The following BAZ2B variants were observed in gnomAD, a reference collection of about 807,000 sequenced individuals.
BAZ2B encodes bromodomain adjacent to zinc finger domain protein 2B.
BAZ2B carries 91 observed loss-of-function variants against 246.0 expected under a neutral mutation model. The ratio of observed to expected loss-of-function variants is 0.37; its 90% CI spans 0.31 to 0.44. The LOEUF is 0.44. BAZ2B is among the 20% of genes least tolerant of loss of function. BAZ2B has a pLI of 1.00. For synonymous variants in BAZ2B, 855 were observed against 860.0 expected, an observed-to-expected ratio of 0.99 and a Z score of 0.10; for missense variants, 2,332 against 2,533.7, an observed-to-expected ratio of 0.92 and a Z score of 1.71.
intron 1 of BAZ2B, among the ~76,000 whole-genome samples, chr2:159,605,155 G>A (rs1280809365): frequency 6.6e-6 from 1 of 151,954 alleles, no homozygotes; most frequent in Non-Finnish European, 1.5e-5. Flanking sequence ...AGCCTCCCAA[G>A]TAGCCAGGCC....
intron 2 of BAZ2B, among the ~76,000 whole-genome samples, chr2:159,554,818 G>A (rs2088849845): frequency 6.6e-6 from 1 of 151,956 alleles, no homozygotes; most frequent in African/African-American, 2.4e-5. Context: ...TTATCACTTA[G>A]AATTTTCTAA....
At chr2:159,706,513 C>T in the BAZ2B span, among the ~76,000 whole-genome samples, 4 of 152,176 alleles carry the variant, frequency 2.6e-5, no homozygotes, top group South Asian at 4.1e-4. Context: ...TTCTGAAGTT[C>T]GTGTGTGCCT....
chr2:159,364,269 T>C (rs916088559), intron 27 of BAZ2B, among the ~76,000 whole-genome samples: 3 of 152,220 alleles, frequency 2.0e-5, no homozygotes, highest in Non-Finnish European at 4.4e-5. Context: ...CAACTGGGGT[T>C]TGGAGTCCAT....
chr2:159,412,414 T>G lies in BAZ2B; in HGVS notation c.2598A>C (p.Lys866Asn). The change falls in exon 14 of 37, where the codon AAA becomes AAC. Residue 866 changes from lysine to asparagine, a missense_variant. Physicochemically the swap from Lys to Asn is moderately conservative, Grantham distance 94. Transcript: ENST00000392783. ...CATTGCCAACATTTGGAGGTCGACCTTTCCGACGTCTCATCCTGGATTCCT... is the reference window on the plus strand; with the variant it reads ...CATTGCCAACATTTGGAGGTCGACCGTTCCGACGTCTCATCCTGGATTCCT... Reference protein sequence around the residue: ...AREESRMRRRKGRPPNVGNAE... With the variant: ...AREESRMRRRNGRPPNVGNAE... 1.2e-6 allele frequency: 2 copies of G among 1,614,172 alleles called. No individual in the cohort carries two copies. The highest frequency in any genetic ancestry group is 2.2e-5 in the South Asian group (2 of 91,078).
In BAZ2B at chr2:159,439,153, T is replaced by C. The variant is rs1211198991; in HGVS notation, c.756A>G (p.Ser252=). Residue 252 remains serine, a synonymous_variant, in exon 7 of 37, where the codon TCA becomes TCG. Transcript: ENST00000392783. ...TAATGCCTTCACTTGAGGTGTCTGA[T>C]GATGTGCCTGAATCACTATCACTGT... ...SSNSDSDSGT[S]SDTSSEGISS... is the part of the protein sequence containing the mutation. 1.9e-6 allele frequency: 3 copies of C among 1,614,036 alleles called. No individual in the cohort carries two copies. Among genetic ancestry groups the C allele is most frequent in the Non-Finnish European group, 2.5e-6 (3 of 1,179,942 alleles).
At chr2:159,492,482 T>C (rs2080613248) in intron 2 of BAZ2B, among the ~76,000 whole-genome samples, 1 of 152,234 alleles carries the variant, frequency 6.6e-6, no homozygotes, top group Admixed American at 6.5e-5. Flanking sequence ...TGCCTAAGAA[T>C]TAGTAAGCTT....
chr2:159,478,504 T>C, intron 3 of BAZ2B, 71 bp downstream of exon 3: 3 of 1,448,470 alleles, frequency 2.1e-6, no homozygotes, highest in Non-Finnish European at 2.8e-6. Flanking sequence ...TTTTATTCAG[T>C]GCTCAATAAA....
chr2:159,624,737 A>C, the BAZ2B span, among the ~76,000 whole-genome samples: 3 of 152,200 alleles, frequency 2.0e-5, no homozygotes, highest in Non-Finnish European at 4.4e-5. Context: ...ACCAGCCCAA[A>C]AAGGCTGAAA....
the BAZ2B span, among the ~76,000 whole-genome samples, chr2:159,669,966 C>A: frequency 6.6e-6 from 1 of 151,910 alleles, no homozygotes. Flanking sequence ...TCCTGTTGCT[C>A]TTTCTTTCCT....
At chr2:159,592,104 A>C (rs1689529078) in intron 1 of BAZ2B, among the ~76,000 whole-genome samples, 1 of 152,096 alleles carries the variant, frequency 6.6e-6, no homozygotes, top group South Asian at 2.1e-4. Flanking sequence ...TGGGCAACAG[A>C]GTGAGACCTG....
chr2:159,537,538 T>C (rs1396510746), intron 2 of BAZ2B, among the ~76,000 whole-genome samples: 1 of 152,264 alleles, frequency 6.6e-6, no homozygotes, highest in African/African-American at 2.4e-5. Context: ...ATAGTTTTTA[T>C]ATGTAGAGCT....
chr2:159,449,167 G>A (rs1373525090), intron 4 of BAZ2B, among the ~76,000 whole-genome samples: 1 of 152,054 alleles, frequency 6.6e-6, no homozygotes, highest in Non-Finnish European at 1.5e-5. Context: ...TCAATAAAAG[G>A]TAAATACTTA....
At chr2:159,553,412 A>AAAAAG (rs1259283886) in intron 2 of BAZ2B, among the ~76,000 whole-genome samples, 2,619 of 128,594 alleles carry the variant, frequency 0.02, 48 homozygotes, top group Middle Eastern at 0.037. Flanking sequence ...AAAAAAAAAA[A>AAAAAG]AAAAGAAAAG....
chr2:159,328,069 C>CAAAAA (rs1558959778), intron 34 of BAZ2B, among the ~76,000 whole-genome samples: 8 of 111,522 alleles, frequency 7.2e-5, no homozygotes, highest in East Asian at 2.6e-4. Context: ...AGCCTCAAAA[C>CAAAAA]GAAAAAAAAA....
chr2:159,590,518 G>C (rs368468189), intron 1 of BAZ2B, among the ~76,000 whole-genome samples: 8 of 152,120 alleles, frequency 5.3e-5, no homozygotes, highest in East Asian at 1.9e-4. Flanking sequence ...TTGAACCCGG[G>C]GGGGTGGAGG....
chr2:159,501,897 T>C (rs965653876), intron 2 of BAZ2B, among the ~76,000 whole-genome samples: 13 of 152,204 alleles, frequency 8.5e-5, no homozygotes, highest in Admixed American at 6.5e-4. Context: ...ATAGCTATTG[T>C]TCATAATAGC....
chr2:159,436,819 G>T (rs192801512), intron 8 of BAZ2B, among the ~76,000 whole-genome samples: 1 of 152,102 alleles, frequency 6.6e-6, no homozygotes, highest in Non-Finnish European at 1.5e-5. Context: ...TTCTACTCCT[G>T]GTCTATGTAT....
At chr2:159,470,918 C>T (rs971521763) in intron 3 of BAZ2B, among the ~76,000 whole-genome samples, 1 of 151,880 alleles carries the variant, frequency 6.6e-6, no homozygotes, top group Admixed American at 6.6e-5. Flanking sequence ...AAAGTCTGGG[C>T]AGAGTCTTCC....
At chr2:159,657,812 C>T in the BAZ2B span, among the ~76,000 whole-genome samples, 3 of 152,158 alleles carry the variant, frequency 2.0e-5, no homozygotes, top group East Asian at 5.8e-4. Context: ...CACTTCGTAT[C>T]GTGCAGCTTT....
Sources: gnomAD v4.1 joint callset for allele counts (sites outside exome capture counted in the v4.1 genomes callset) on GRCh38, gnomAD v4.1.1 for gene constraint, MANE v1.5 for transcripts, NCBI Gene and HGNC (gene_info 2026-07-23, HGNC 2026-07-21) for gene names.